The following GRIK4 variants were observed in gnomAD, a reference collection of about 807,000 sequenced individuals.
The protein encoded by GRIK4 is glutamate receptor ionotropic, kainate 4.
GRIK4 carries 40 observed loss-of-function variants against 104.9 expected under a neutral mutation model. The observed-to-expected ratio is 0.38, with a 90% CI of 0.30 to 0.50. The LOEUF (loss-of-function observed/expected upper bound fraction) is 0.50. Ranked by LOEUF, GRIK4 falls within the 20% of genes least tolerant of loss-of-function variation. The pLI, the probability that GRIK4 is intolerant of heterozygous loss-of-function variation, is 0.93. For missense variants in GRIK4, 1,047 were observed against 1,308.1 expected, an observed-to-expected ratio of 0.80 and a Z score of 3.08; for synonymous variants, 485 against 524.9, an observed-to-expected ratio of 0.92 and a Z score of 1.04.
chr11:120,624,658 A>G (rs1949233463), intron 1 of GRIK4, among the ~76,000 whole-genome samples: 1 of 152,094 alleles, frequency 6.6e-6, no homozygotes, highest in Non-Finnish European at 1.5e-5. Context: ...CCTGCCGCGG[A>G]GTCTGGGCAT....
intron 1 of GRIK4, among the ~76,000 whole-genome samples, chr11:120,534,960 G>A (rs1463187654): frequency 1.3e-5 from 2 of 152,198 alleles, no homozygotes; most frequent in Non-Finnish European, 2.9e-5. Context: ...AACCCAGGAT[G>A]ATCCCGGGCA....
chr11:120,632,550 A>G (rs1019303217), intron 1 of GRIK4, among the ~76,000 whole-genome samples: 17 of 152,192 alleles, frequency 1.1e-4, no homozygotes, highest in African/African-American at 4.1e-4. Context: ...AGCTCCAGGT[A>G]TGAGATATAG....
At chr11:120,923,751 C>T (rs528388706) in intron 13 of GRIK4, among the ~76,000 whole-genome samples, 4 of 152,082 alleles carry the variant, frequency 2.6e-5, no homozygotes, top group African/African-American at 7.2e-5. Context: ...ACCCGTGAAG[C>T]GGAAACTGGT....
At chr11:120,776,672 C>A (rs1952049676) in intron 3 of GRIK4, among the ~76,000 whole-genome samples, 1 of 152,182 alleles carries the variant, frequency 6.6e-6, no homozygotes, top group Non-Finnish European at 1.5e-5. Context: ...CGCAGGGTCA[C>A]TCTCAAGCTG....
intron 3 of GRIK4, among the ~76,000 whole-genome samples, chr11:120,730,296 T>A (rs1356800143): frequency 1.3e-5 from 2 of 152,118 alleles, no homozygotes; most frequent in African/African-American, 4.8e-5. Flanking sequence ...AGGCAGAGGT[T>A]ACAGTGAGGT....
intron 3 of GRIK4, among the ~76,000 whole-genome samples, chr11:120,678,320 C>T (rs1041462055): frequency 2.0e-5 from 3 of 152,118 alleles, no homozygotes; most frequent in Non-Finnish European, 2.9e-5. Flanking sequence ...CTAAAGGCAC[C>T]GTTAGGTTAA....
chr11:120,653,950 C>G (rs948524904), intron 2 of GRIK4, among the ~76,000 whole-genome samples, 158 bp downstream of exon 2: 5 of 152,236 alleles, frequency 3.3e-5, no homozygotes, highest in Admixed American at 1.3e-4. Flanking sequence ...ATCAGCAAGG[C>G]TCCTACCTGT....
At chr11:120,888,417 A>G (rs573250126) in intron 11 of GRIK4, among the ~76,000 whole-genome samples, 1 of 152,268 alleles carries the variant, frequency 6.6e-6, no homozygotes, top group South Asian at 2.1e-4. Context: ...GGTTGGGAAG[A>G]TTAGATGAGA....
At chr11:120,545,922 G>T (rs1298540590) in intron 1 of GRIK4, among the ~76,000 whole-genome samples, 1 of 152,174 alleles carries the variant, frequency 6.6e-6, no homozygotes, top group African/African-American at 2.4e-5. Flanking sequence ...ACAGAGCCAA[G>T]GGTGGCACCC....
At chr11:120,631,993 C>T (rs1315696970) in intron 1 of GRIK4, among the ~76,000 whole-genome samples, 1 of 152,166 alleles carries the variant, frequency 6.6e-6, no homozygotes, top group East Asian at 1.9e-4. Flanking sequence ...CTCCTTACCC[C>T]TTCCAAGCTT....
chr11:120,898,405 C>G (rs1942641423), intron 11 of GRIK4, 127 bp from the exon 12 acceptor site: 2 of 638,288 alleles, frequency 3.1e-6, no homozygotes, highest in Non-Finnish European at 5.7e-6. Flanking sequence ...AGTTCAGCCC[C>G]CGGCTCCGTA....
chr11:120,857,500 A>T (rs1409612265), intron 8 of GRIK4, among the ~76,000 whole-genome samples: 1 of 30,812 alleles, frequency 3.2e-5, no homozygotes, highest in Non-Finnish European at 6.0e-5. Flanking sequence ...GTATGCACAC[A>T]TGCACACACA....
At chr11:120,667,689 G>T (rs780779480) in intron 3 of GRIK4, among the ~76,000 whole-genome samples, 1 of 152,250 alleles carries the variant, frequency 6.6e-6, no homozygotes. Flanking sequence ...ATTGAGCTGA[G>T]ATATGGTACC....
At chr11:120,813,556 A>T (rs1002885807) in intron 4 of GRIK4, among the ~76,000 whole-genome samples, 1 of 152,144 alleles carries the variant, frequency 6.6e-6, no homozygotes, top group African/African-American at 2.4e-5. Context: ...ATGTTGTGGG[A>T]TGCCTGCCCA....
At chr11:120,556,907 G>A (rs886987528) in intron 1 of GRIK4, among the ~76,000 whole-genome samples, 2 of 151,860 alleles carry the variant, frequency 1.3e-5, no homozygotes, top group Non-Finnish European at 1.5e-5. Flanking sequence ...CCTTCCCCTC[G>A]CCTTGTCACC....
At chr11:120,912,044 G>A (rs186010276) in intron 13 of GRIK4, among the ~76,000 whole-genome samples, 6 of 152,074 alleles carry the variant, frequency 3.9e-5, no homozygotes, top group Admixed American at 3.9e-4. Flanking sequence ...TGTAAAAATG[G>A]GATTATACTA....
chr11:120,727,559 A>G (rs548283054), intron 3 of GRIK4, among the ~76,000 whole-genome samples: 13 of 152,318 alleles, frequency 8.5e-5, no homozygotes, highest in Admixed American at 3.3e-4. Context: ...AGAGAGAATG[A>G]GATGAGTAAC....
At chr11:120,707,077 C>T (rs964511270) in intron 3 of GRIK4, among the ~76,000 whole-genome samples, 3 of 152,194 alleles carry the variant, frequency 2.0e-5, no homozygotes, top group Admixed American at 6.5e-5. Flanking sequence ...CAACATTGAA[C>T]GACCAGGCTT....
Position 120,939,075 on chromosome 11 carries a change from G to A in GRIK4, c.1477-1272G>A, listed in dbSNP as rs1478341136. ...AGAAGTGAAGTGACTAGTCCAGGTT[G>A]GTTAGTTGGTTGTTAGAGTAGAGGA... On this transcript the variant is annotated intron_variant, in intron 13 of 20. Coordinates refer to ENST00000527524, the MANE Select transcript of GRIK4 (RefSeq NM_014619.5). The surrounding 1 kb of genome is among the most constrained non-coding windows in gnomAD (Gnocchi z 5.6). Among the ~76,000 whole-genome samples the A allele has an allele frequency of 6.6e-6, 1 of 152,272 alleles. No homozygotes were observed. The highest frequency in any genetic ancestry group is 1.9e-4 in the East Asian group (1 of 5,186).
Sources: gnomAD v4.1 joint callset for allele counts (sites outside exome capture counted in the v4.1 genomes callset) on GRCh38, gnomAD v4.1.1 for gene constraint, Gnocchi (gnomAD v3.1) non-coding constraint, MANE v1.5 for transcripts, NCBI Gene and HGNC (gene_info 2026-07-23, HGNC 2026-07-21) for gene names.